Variants in SEC63 observed in about 807,000 individuals in gnomAD.
SEC63 encodes the protein translocation protein SEC63 homolog.
Under a neutral mutation model 116.2 loss-of-function variants are expected in SEC63, and 56 were observed. That is an observed-to-expected ratio of 0.48 (90% CI 0.39 to 0.60). The LOEUF is 0.60. SEC63 is among the 20% of genes least tolerant of loss of function. The probability of loss-of-function intolerance (pLI) is 0.00; values close to 1 mark genes in which losing one functional copy is unlikely to be tolerated. For missense variants in SEC63, 668 were observed against 900.0 expected, an observed-to-expected ratio of 0.74 and a Z score of 3.30; for synonymous variants, 273 against 294.6, an observed-to-expected ratio of 0.93 and a Z score of 0.75.
rs187946337 is a variant in SEC63 at position 107,871,410 on chromosome 6, C to G, written c.*294G>C. The G allele has an allele frequency of 2.7e-4, 109 of 403,948 alleles. No homozygotes were observed. Among genetic ancestry groups the G allele is most frequent in the African/African-American group, 2.1e-3 (103 of 48,996 alleles). The allele number at this position is 403,948 out of a possible 1,614,324, so 25.0% of individuals were successfully genotyped here. ...ACTTTTACTGGGACCATAGACTGATCAGATAATACATAGCCCACACTTCTG... is the reference window on the plus strand; with the variant it reads ...ACTTTTACTGGGACCATAGACTGATGAGATAATACATAGCCCACACTTCTG... On this transcript the variant is annotated 3_prime_UTR_variant, in exon 21 of 21. Coordinates refer to ENST00000369002, the MANE Select transcript of SEC63 (RefSeq NM_007214.5).
intron 1 of SEC63, among the ~76,000 whole-genome samples, chr6:107,935,054 A>G (rs1198626849): frequency 7.8e-5 from 9 of 115,892 alleles, no homozygotes; most frequent in Admixed American, 8.4e-5. Flanking sequence ...GCCTCTGCCC[A>G]GCCGCCCCTA....
chr6:107,951,883 G>A (rs971268747), intron 1 of SEC63, among the ~76,000 whole-genome samples: 3 of 151,326 alleles, frequency 2.0e-5, no homozygotes, highest in Admixed American at 6.6e-5. Context: ...TGAGGCAGGA[G>A]AATGGGGTGA....
At chr6:107,912,662 A>G (rs908997557) in intron 6 of SEC63, 54 bp downstream of exon 6, 35 of 1,069,206 alleles carry the variant, frequency 3.3e-5, no homozygotes, top group Middle Eastern at 2.2e-4. Flanking sequence ...CAGATTGTAC[A>G]TAACAAAAAT....
rs182823294 is a variant in SEC63 at position 107,887,008 on chromosome 6, T to C, written c.1675-3862A>G. 9.8e-5 allele frequency among the ~76,000 whole-genome samples: 15 copies of C among 152,352 alleles called. No individual in the cohort carries two copies. In the East Asian group the frequency reaches 1.3e-3, roughly 14 times the overall value. ...CCTAGGTTTTCTTCTAGGGTTTTTA[T>C]GGTTTTAAGTCTTAAGTCTTTAGTC... On this transcript the variant is annotated intron_variant, in intron 16 of 20. Transcript: ENST00000369002.
At chr6:107,934,294 G>A (rs9701847) in intron 1 of SEC63, among the ~76,000 whole-genome samples, 6 of 151,230 alleles carry the variant, frequency 4.0e-5, no homozygotes, top group Non-Finnish European at 8.8e-5. Context: ...CTGCCCGGCC[G>A]CCATCCCATC....
At chr6:107,925,761 T>G (rs1309895941) in intron 2 of SEC63, among the ~76,000 whole-genome samples, 1 of 152,224 alleles carries the variant, frequency 6.6e-6, no homozygotes, top group Non-Finnish European at 1.5e-5. Flanking sequence ...TCAAATAATT[T>G]GGAAAGAATA....
chr6:107,942,957 T>C (rs952538169), intron 1 of SEC63, among the ~76,000 whole-genome samples: 3 of 152,230 alleles, frequency 2.0e-5, no homozygotes, highest in Non-Finnish European at 4.4e-5. Flanking sequence ...ACTTTTTTCT[T>C]CTTCGGAGCA....
intron 3 of SEC63, among the ~76,000 whole-genome samples, chr6:107,924,360 C>G (rs1235387531): frequency 6.7e-6 from 1 of 148,690 alleles, no homozygotes; most frequent in African/African-American, 2.5e-5. Context: ...GGGCAGATCA[C>G]AAGGTCAGGA....
At chr6:107,944,237 C>G (rs1420312608) in intron 1 of SEC63, among the ~76,000 whole-genome samples, 1 of 152,042 alleles carries the variant, frequency 6.6e-6, no homozygotes, top group African/African-American at 2.4e-5. Flanking sequence ...GCTGAAAAGA[C>G]AGTTGTGATT....
In SEC63 at chr6:107,919,598, G is replaced by A. The variant is rs558411896; in HGVS notation, c.452+2199C>T. Among the ~76,000 whole-genome samples the A allele has an allele frequency of 1.2e-4, 18 of 152,196 alleles. 1 individual carries two copies. The highest frequency in any genetic ancestry group is 8.3e-4 in the South Asian group (4 of 4,816). ...AGCACTTTGGGAGGCCAAGGCAGGC[G>A]TATCACAAGGTCAGGAAATCAAGAC... On this transcript the variant is annotated intron_variant, in intron 4 of 20. Coordinates refer to ENST00000369002, the MANE Select transcript of SEC63 (RefSeq NM_007214.5).
intron 2 of SEC63, among the ~76,000 whole-genome samples, chr6:107,927,995 C>T (rs1421125279): frequency 5.3e-5 from 8 of 152,064 alleles, no homozygotes; most frequent in African/African-American, 9.7e-5. Context: ...TTGGAACCCG[C>T]AGATATGGGG....
At chr6:107,898,687 C>A (rs983577510) in intron 13 of SEC63, among the ~76,000 whole-genome samples, 5 of 152,198 alleles carry the variant, frequency 3.3e-5, no homozygotes, top group African/African-American at 1.2e-4. Flanking sequence ...AAAAACTCTA[C>A]TATAAAGTTA....
chr6:107,933,866 G>A (rs1031230703), intron 1 of SEC63, among the ~76,000 whole-genome samples: 17 of 152,304 alleles, frequency 1.1e-4, no homozygotes, highest in Admixed American at 6.5e-4. Flanking sequence ...GATTGCAGGC[G>A]CGCGCCGCCA....
chr6:107,938,866 G>A (rs953373023), intron 1 of SEC63, among the ~76,000 whole-genome samples: 1 of 152,150 alleles, frequency 6.6e-6, no homozygotes, highest in Non-Finnish European at 1.5e-5. Flanking sequence ...GCTAGTCCTA[G>A]TAAATCCTTT....
chr6:107,904,788 TG>T (rs1463818526), intron 10 of SEC63, 67 bp from the exon 11 acceptor site: 5 of 1,170,578 alleles, frequency 4.3e-6, no homozygotes, highest in Non-Finnish European at 6.4e-6. Flanking sequence ...TTTATCACTG[TG>T]GCCCAAAACT....
At chr6:107,887,327 A>C (rs894440206) in intron 16 of SEC63, among the ~76,000 whole-genome samples, 2 of 142,594 alleles carry the variant, frequency 1.4e-5, no homozygotes, top group Non-Finnish European at 3.0e-5. Context: ...TATTCACAAT[A>C]GCAAAGACTT....
At position 107,957,667 on chromosome 6, in the gene SEC63, G is replaced by A. The variant is rs997827749; in HGVS notation, c.124+219C>T. 8.6e-5 allele frequency: 31 copies of A among 360,560 alleles called. No homozygotes were observed. The Admixed American group carries it at 1.1e-3, about 12-fold the overall frequency. The allele number at this position is 360,560 out of a possible 1,614,324, so 22.3% of individuals were successfully genotyped here. A position where few individuals can be genotyped will look rare whatever the true frequency, so the allele number is the denominator to read the frequency against. ...TCCACAACAATGGAGAAGATGGAGC[G>A]AGCGAAACTCCTGAGGACAATGAAG... On this transcript the variant is annotated intron_variant, in intron 1 of 20. Coordinates refer to ENST00000369002, the MANE Select transcript of SEC63 (RefSeq NM_007214.5).
At chr6:107,906,181 C>T (rs989594997) in intron 10 of SEC63, among the ~76,000 whole-genome samples, 1 of 152,190 alleles carries the variant, frequency 6.6e-6, no homozygotes, top group Admixed American at 6.5e-5. Context: ...TCCTCCTGCT[C>T]TGGCCATGTG....
chr6:107,916,214 C>T (rs938612452), intron 4 of SEC63, among the ~76,000 whole-genome samples: 1 of 152,154 alleles, frequency 6.6e-6, no homozygotes, highest in Non-Finnish European at 1.5e-5. Flanking sequence ...TTTTAAATTA[C>T]CTGAAGACAG....
Sources: allele counts gnomAD v4.1 joint callset (sites outside exome capture counted in the v4.1 genomes callset), GRCh38; gene constraint gnomAD v4.1.1; transcripts MANE v1.5; gene names NCBI Gene and HGNC (gene_info 2026-07-23, HGNC 2026-07-21).